Variants in COL6A5 observed in about 807,000 individuals in gnomAD.
The protein encoded by COL6A5 is collagen type VI alpha 5 chain.
COL6A5 carries 48 observed loss-of-function variants against 65.6 expected under a neutral mutation model. The observed-to-expected ratio is 0.73, with a 90% CI of 0.58 to 0.93. The LOEUF (loss-of-function observed/expected upper bound fraction) is 0.93. Among genes scored for constraint, COL6A5 ranks in the 40% least tolerant of loss-of-function variants. COL6A5 has a pLI of 0.00. For missense variants in COL6A5, 914 were observed against 928.3 expected (o/e 0.98, Z 0.20); for synonymous variants, 291 against 322.8 (o/e 0.90, Z 1.05).
At chr3:130,354,943 T>A (rs1241234029) in intron 1 of COL6A5, among the ~76,000 whole-genome samples, 2 of 152,164 alleles carry the variant, frequency 1.3e-5, no homozygotes, top group African/African-American at 4.8e-5. Flanking sequence ...GACTTAGTAT[T>A]AATAAAGTAA....
chr3:130,369,509 A>G (rs1935472713), intron 1 of COL6A5, among the ~76,000 whole-genome samples: 1 of 152,066 alleles, frequency 6.6e-6, no homozygotes, highest in African/African-American at 2.4e-5. Flanking sequence ...ATGTGCCTTT[A>G]TATTTTGCTA....
chr3:130,402,468 A>G (rs1936849526), intron 12 of COL6A5, among the ~76,000 whole-genome samples: 1 of 152,276 alleles, frequency 6.6e-6, no homozygotes, highest in Admixed American at 6.5e-5. Flanking sequence ...ACAGCTACAC[A>G]CAACAACATG....
chr3:130,446,572 G>A (rs532221633), intron 4 of COL6A5, among the ~76,000 whole-genome samples: 1 of 152,258 alleles, frequency 6.6e-6, no homozygotes, highest in Admixed American at 6.5e-5. Flanking sequence ...AGGGAGGACT[G>A]ATTTAAACCC....
intron 5 of COL6A5, among the ~76,000 whole-genome samples, chr3:130,464,034 A>G (rs931659994): frequency 2.6e-5 from 4 of 152,124 alleles, no homozygotes; most frequent in Non-Finnish European, 5.9e-5. Context: ...AACTGGAAAA[A>G]CAGTAATATT....
At chr3:130,346,807 CAGGTT>C (rs1465275572) in intron 1 of COL6A5, among the ~76,000 whole-genome samples, 1 of 152,106 alleles carries the variant, frequency 6.6e-6, no homozygotes, top group Non-Finnish European at 1.5e-5. Flanking sequence ...CTCAGGGTGT[CAGGTT>C]AGGTATCTTG....
intron 5 of COL6A5, among the ~76,000 whole-genome samples, chr3:130,463,997 T>C (rs1371887143): frequency 6.6e-6 from 1 of 152,046 alleles, no homozygotes; most frequent in Non-Finnish European, 1.5e-5. Flanking sequence ...AGAAAAGGAT[T>C]GAGATTTTGC....
chr3:130,461,788 C>T (rs966996064), intron 5 of COL6A5, among the ~76,000 whole-genome samples: 3 of 150,494 alleles, frequency 2.0e-5, no homozygotes, highest in Non-Finnish European at 4.4e-5. Flanking sequence ...AAAAAACCTT[C>T]TTATAAACTC....
intron 7 of COL6A5, among the ~76,000 whole-genome samples, chr3:130,480,839 A>G (rs770005905): frequency 1.9e-4 from 29 of 152,132 alleles, no homozygotes; most frequent in Non-Finnish European, 2.6e-4. Flanking sequence ...ATTTCTGTGC[A>G]TGTGAGTTAC....
chr3:130,469,460 C>G lies in COL6A5; in HGVS notation c.2212C>G (p.Pro738Ala). 6.2e-7 allele frequency: 1 copy of G among 1,611,540 alleles called. No individual in the cohort carries two copies. The highest frequency in any genetic ancestry group is 1.1e-5 in the South Asian group (1 of 90,770). The stretch of plus-strand genomic sequence containing the variant: ...GAACTATATCATCAAGTTTGTCAAG[C>G]CATTTGTCCATTTAATCAGACGTAA... The change falls in exon 6 of 8, where the codon CCA becomes GCA. Residue 738 changes from proline to alanine, a missense_variant. Pro to Ala is a conservative substitution (Grantham distance 27). Coordinates refer to ENST00000512836, the Ensembl canonical transcript of COL6A5.
intron 5 of COL6A5, among the ~76,000 whole-genome samples, chr3:130,456,916 C>G (rs1473530357): frequency 6.6e-6 from 1 of 151,824 alleles, no homozygotes; most frequent in Non-Finnish European, 1.5e-5. Flanking sequence ...GCTAAACTTA[C>G]CTTTGTAGAA....
intron 1 of COL6A5, among the ~76,000 whole-genome samples, chr3:130,356,275 A>C (rs992405704): frequency 1.3e-5 from 2 of 152,168 alleles, no homozygotes; most frequent in Non-Finnish European, 2.9e-5. Flanking sequence ...GAAATGCATA[A>C]AGCAGAAACT....
At chr3:130,403,350 TCATCTGCTGGTGGGTTC>T (rs1936876039) in intron 12 of COL6A5, among the ~76,000 whole-genome samples, 1 of 152,184 alleles carries the variant, frequency 6.6e-6, no homozygotes, top group African/African-American at 2.4e-5. Context: ...TCTGTGGGTC[TCATCTGCTGGTGGGTTC>T]CAAAGGTCAG....
At position 130,479,484 on chromosome 3, in the gene COL6A5, A is replaced by G. The variant is rs560366593; in HGVS notation, c.2329-4551A>G. On this transcript the variant is annotated intron_variant, in intron 7 of 7. Coordinates refer to ENST00000512836, the Ensembl canonical transcript of COL6A5. ...ACCACAAAACAGAAAACAAACAAAA[A>G]CCCACTATGGAAAGAGCTGTATCTT... is the stretch of plus-strand genomic sequence containing the variant. Among the ~76,000 whole-genome samples, 11 of 151,888 alleles carry G rather than the reference A, an allele frequency of 7.2e-5. No individual in the cohort carries two copies. In the South Asian group the frequency reaches 2.3e-3, roughly 32 times the overall value.
Position 130,470,794 on chromosome 3 carries a change from A to G in COL6A5, c.2232-77A>G, listed in dbSNP as rs1360334202. 38 of 1,084,812 alleles carry G rather than the reference A, an allele frequency of 3.5e-5. No individual in the cohort carries two copies. The Admixed American group carries it at 7.4e-4, about 21-fold the overall frequency. 67.2% of individuals were successfully genotyped at this position (1,084,812 alleles called of 1,614,324 possible). A position where few individuals can be genotyped will look rare whatever the true frequency, so the allele number is the denominator to read the frequency against. On this transcript the variant is annotated intron_variant, in intron 6 of 7. Transcript: ENST00000512836. Reference sequence around the variant, plus strand: ...TCTTGAAAACACTGCCAACCACGTGAAAACATGATCTGACTTTGGGTGAGA... The same window carrying G: ...TCTTGAAAACACTGCCAACCACGTGGAAACATGATCTGACTTTGGGTGAGA...
At chr3:130,433,980 CA>C (rs71158193) in intron 1 of COL6A5, among the ~76,000 whole-genome samples, 3 of 148,316 alleles carry the variant, frequency 2.0e-5, no homozygotes, top group African/African-American at 2.5e-5. Flanking sequence ...AAAACAAAAA[CA>C]AAAAAAACAG....
intron 13 of COL6A5, 55 bp downstream of exon 13, chr3:130,403,717 ACACAC>A: frequency 8.0e-7 from 1 of 1,245,236 alleles, no homozygotes; most frequent in Non-Finnish European, 1.1e-6. Context: ...GTACACACAC[ACACAC>A]ACACACAAAC....
intron 1 of COL6A5, among the ~76,000 whole-genome samples, chr3:130,372,533 A>G (rs1421249159): frequency 3.9e-5 from 6 of 152,178 alleles, no homozygotes; most frequent in Non-Finnish European, 8.8e-5. Context: ...ACATGGATAA[A>G]CCTTGAAAAC....
intron 1 of COL6A5, among the ~76,000 whole-genome samples, chr3:130,351,707 T>C (rs960418672): frequency 1.3e-5 from 2 of 152,204 alleles, no homozygotes; most frequent in Non-Finnish European, 2.9e-5. Flanking sequence ...ACACTGTTGG[T>C]CAGAGTGTTT....
chr3:130,385,136 T>C (rs764908964), exon 5 of COL6A5: 2 of 1,551,076 alleles, frequency 1.3e-6, no homozygotes, highest in East Asian at 2.4e-5. Context: ...CAAGGTTCCC[T>C]GTTACCTCAT....
Sources: gnomAD v4.1 joint callset for allele counts (sites outside exome capture counted in the v4.1 genomes callset) on GRCh38, gnomAD v4.1.1 for gene constraint, MANE v1.5 for transcripts, NCBI Gene and HGNC (gene_info 2026-07-23, HGNC 2026-07-21) for gene names.